The following MYO1B variants were observed in gnomAD, a reference collection of about 807,000 sequenced individuals.
The protein encoded by MYO1B is myosin IB.
In MYO1B, 72 loss-of-function variants were observed where a neutral mutation model predicts 159.7. That is an observed-to-expected ratio of 0.45 (90% CI 0.37 to 0.55). The LOEUF is 0.55. MYO1B is among the 20% of genes least tolerant of loss of function. MYO1B has a pLI of 0.00. For missense variants in MYO1B, 1,062 were observed against 1,364.8 expected (o/e 0.78, Z 3.50); for synonymous variants, 468 against 473.8 (o/e 0.99, Z 0.16).
chr2:191,352,296 T>C (rs1373859105), intron 7 of MYO1B, among the ~76,000 whole-genome samples: 3 of 152,224 alleles, frequency 2.0e-5, no homozygotes, highest in Non-Finnish European at 4.4e-5. Flanking sequence ...GCTTTCTTTT[T>C]ACAAGACAAA....
chr2:191,377,104 C>T (rs954093007), intron 13 of MYO1B, among the ~76,000 whole-genome samples: 20 of 152,002 alleles, frequency 1.3e-4, no homozygotes, highest in Admixed American at 1.3e-3. Context: ...GAAGCCCTAG[C>T]GTTTAAAATT....
chr2:191,323,809 A>G (rs191538694), intron 3 of MYO1B, among the ~76,000 whole-genome samples: 19 of 152,296 alleles, frequency 1.2e-4, no homozygotes, highest in Middle Eastern at 3.4e-3. Flanking sequence ...AGTAAAAACA[A>G]TCCTTTTCCG....
intron 3 of MYO1B, among the ~76,000 whole-genome samples, chr2:191,317,425 A>G (rs116138702): frequency 6.6e-6 from 1 of 152,212 alleles, no homozygotes; most frequent in Non-Finnish European, 1.5e-5. Context: ...CCTTAGTTCA[A>G]GAACTAGCAA....
intron 1 of MYO1B, among the ~76,000 whole-genome samples, chr2:191,256,041 G>T (rs1004352136): frequency 6.6e-6 from 1 of 152,104 alleles, no homozygotes; most frequent in Non-Finnish European, 1.5e-5. Flanking sequence ...CACACTGAGG[G>T]CTCAGGCATG....
chr2:191,407,152 AT>A (rs1421768975), intron 24 of MYO1B, among the ~76,000 whole-genome samples: 1 of 152,240 alleles, frequency 6.6e-6, no homozygotes, highest in Non-Finnish European at 1.5e-5. Flanking sequence ...CTGAATTGTT[AT>A]ATTGAGTTCT....
At chr2:191,358,300 A>G (rs528826876) in intron 7 of MYO1B, among the ~76,000 whole-genome samples, 2 of 152,326 alleles carry the variant, frequency 1.3e-5, no homozygotes, top group African/African-American at 4.8e-5. Flanking sequence ...CACTGAACGC[A>G]TAGCAAAAGG....
intron 1 of MYO1B, among the ~76,000 whole-genome samples, chr2:191,254,989 G>A (rs929249583): frequency 6.6e-6 from 1 of 152,122 alleles, no homozygotes; most frequent in African/African-American, 2.4e-5. Context: ...GTACAGTGGT[G>A]TGAACATAGC....
At chr2:191,249,130 G>A (rs745970739) in intron 1 of MYO1B, among the ~76,000 whole-genome samples, 6 of 152,144 alleles carry the variant, frequency 3.9e-5, no homozygotes, top group Non-Finnish European at 7.4e-5. Context: ...TATGTTTATT[G>A]AAATCCATTT....
Position 191,386,073 on chromosome 2 carries a change from T to G in MYO1B, c.1543T>G (p.Tyr515Asp). Residue 515 changes from tyrosine (Y) to aspartate (D), a missense_variant, in exon 16 of 31, where the codon TAT becomes GAT. Coordinates refer to ENST00000392318, the MANE Select transcript of MYO1B (RefSeq NM_001130158.3). ...TCACAGCTGCTTCAGGATCCAGCAT[T>G]ATGCTGGAAAGGTATGGGGGAGCTG... Reference protein sequence around the residue: ...LPHSCFRIQHYAGKVLYQVEG... With the variant: ...LPHSCFRIQHDAGKVLYQVEG... 1.2e-6 allele frequency: 2 copies of G among 1,614,012 alleles called. No homozygotes were observed. The highest frequency in any genetic ancestry group is 1.7e-6 in the Non-Finnish European group (2 of 1,179,942).
At chr2:191,386,126 AC>A in intron 16 of MYO1B, 42 bp downstream of exon 16, 1 of 1,596,750 alleles carries the variant, frequency 6.3e-7, no homozygotes. Flanking sequence ...CTGCCAAGTT[AC>A]CCCTGCAAGG....
chr2:191,308,770 A>C (rs1327210218), intron 3 of MYO1B, among the ~76,000 whole-genome samples: 1 of 152,110 alleles, frequency 6.6e-6, no homozygotes, highest in African/African-American at 2.4e-5. Context: ...ATCATTTGTG[A>C]CCTCCATGTT....
chr2:191,264,128 G>A (rs2125699194), intron 1 of MYO1B, among the ~76,000 whole-genome samples: 1 of 152,304 alleles, frequency 6.6e-6, no homozygotes, highest in South Asian at 2.1e-4. Context: ...ATTTTAATCA[G>A]TGTAGGTGAA....
chr2:191,421,485 T>C (rs1697937827), intron 30 of MYO1B, among the ~76,000 whole-genome samples: 1 of 152,246 alleles, frequency 6.6e-6, no homozygotes, highest in East Asian at 1.9e-4. Flanking sequence ...CTTTTTTATT[T>C]ATTTTGAGGC....
At chr2:191,360,006 A>G (rs1693561799) in intron 7 of MYO1B, among the ~76,000 whole-genome samples, 1 of 152,222 alleles carries the variant, frequency 6.6e-6, no homozygotes, top group Admixed American at 6.5e-5. Context: ...AATGAGAACC[A>G]TCTTTCTCTA....
intron 7 of MYO1B, among the ~76,000 whole-genome samples, chr2:191,353,294 T>A (rs1693039667): frequency 6.6e-6 from 1 of 152,170 alleles, no homozygotes; most frequent in Non-Finnish European, 1.5e-5. Context: ...GTTTTTGTAT[T>A]TGGGGATTTT....
chr2:191,368,417 G>A (rs981533856), intron 11 of MYO1B, among the ~76,000 whole-genome samples: 1 of 152,130 alleles, frequency 6.6e-6, no homozygotes, highest in African/African-American at 2.4e-5. Context: ...GCCTCCCCAG[G>A]ATGCTGGTAT....
rs974866243 is a variant in MYO1B at position 191,328,154 on chromosome 2, C to T, written c.252-1781C>T. Reference sequence around the variant, plus strand: ...TTTAAGGAGGCTAGCATTTAATTTGCAGGTCTGTGTTGAAGATTAAGTCCA... The same window carrying T: ...TTTAAGGAGGCTAGCATTTAATTTGTAGGTCTGTGTTGAAGATTAAGTCCA... On this transcript the variant is annotated intron_variant, in intron 3 of 30. Coordinates refer to ENST00000392318, the MANE Select transcript of MYO1B (RefSeq NM_001130158.3). 3.3e-5 allele frequency among the ~76,000 whole-genome samples: 5 copies of T among 152,288 alleles called. No homozygotes were observed. In the East Asian group the frequency reaches 9.6e-4, roughly 29 times the overall value.
chr2:191,246,969 A>T (rs1037435784), intron 1 of MYO1B, among the ~76,000 whole-genome samples: 5 of 152,206 alleles, frequency 3.3e-5, no homozygotes, highest in Admixed American at 2.0e-4. Flanking sequence ...AATGTGTCAG[A>T]CATTTGTTAA....
At chr2:191,378,705 A>G (rs559069625) in intron 13 of MYO1B, among the ~76,000 whole-genome samples, 22 of 152,296 alleles carry the variant, frequency 1.4e-4, no homozygotes, top group African/African-American at 5.3e-4. Context: ...AAATAGTGGT[A>G]AAGCGTTGGG....
Sources: gnomAD v4.1 joint callset for allele counts (sites outside exome capture counted in the v4.1 genomes callset) on GRCh38, gnomAD v4.1.1 for gene constraint, MANE v1.5 for transcripts, NCBI Gene and HGNC (gene_info 2026-07-23, HGNC 2026-07-21) for gene names.